The following THBS2 variants were observed in gnomAD, a reference collection of about 807,000 sequenced individuals.
THBS2 encodes the protein thrombospondin 2.
THBS2 carries 47 observed loss-of-function variants against 135.2 expected under a neutral mutation model. The observed-to-expected ratio is 0.35, with a 90% confidence interval of 0.28 to 0.44. The LOEUF is 0.44. Among genes scored for constraint, THBS2 ranks in the 20% least tolerant of loss-of-function variants. THBS2 has a pLI of 1.00. For missense variants in THBS2, 1,288 were observed against 1,603.1 expected, an observed-to-expected ratio of 0.80 and a Z score of 3.36; for synonymous variants, 639 against 633.8, an observed-to-expected ratio of 1.01 and a Z score of -0.12.
intron 2 of THBS2, among the ~76,000 whole-genome samples, chr6:169,250,031 GA>G (rs57472232): frequency 0.23 from 31,724 of 137,642 alleles, 3,560 homozygotes; most frequent in Middle Eastern, 0.3. Context: ...CTCCGTCCCA[GA>G]AAAAAAAAAA....
chr6:169,240,678 C>T (rs894777230), intron 5 of THBS2, 86 bp from the exon 6 acceptor site: 64 of 1,499,112 alleles, frequency 4.3e-5, no homozygotes, highest in Non-Finnish European at 5.5e-5. Context: ...CAAAGTTCCT[C>T]CTTCATTAAA....
At chr6:169,226,438 A>C (rs1779633408) in intron 15 of THBS2, 140 bp from the exon 16 acceptor site, 1 of 572,674 alleles carries the variant, frequency 1.7e-6, no homozygotes, top group African/African-American at 1.9e-5. Flanking sequence ...GACGCCTAAG[A>C]ATATAGTAAA....
At position 169,217,585 on chromosome 6, in the gene THBS2, A is replaced by G. The variant is rs1583400606; in HGVS notation, c.*237T>C. 6.1e-6 allele frequency: 3 copies of G among 487,904 alleles called. 1 individual carries two copies. Among genetic ancestry groups the G allele is most frequent in the South Asian group, 9.6e-5 (2 of 20,744 alleles). The allele number at this position is 487,904 out of a possible 1,614,324, so 30.2% of individuals were successfully genotyped here. A position where few individuals can be genotyped will look rare whatever the true frequency, so the allele number is the denominator to read the frequency against. ...ATTTTCACTCCACATAAAGTCTCAT[A>G]TATCACCAAACTGGTTTCCTCTAGT... On this transcript the variant is annotated 3_prime_UTR_variant, in exon 22 of 22. Transcript: ENST00000617924.
intron 15 of THBS2, 81 bp downstream of exon 15, chr6:169,228,041 A>G: frequency 6.7e-7 from 1 of 1,484,786 alleles, no homozygotes; most frequent in Non-Finnish European, 9.0e-7. Context: ...AGATGGTGCT[A>G]CTGCCCTGGG....
At chr6:169,242,949 T>TTCCCACCAC (rs1554247374) in intron 4 of THBS2, among the ~76,000 whole-genome samples, 4 of 108,154 alleles carry the variant, frequency 3.7e-5, no homozygotes, top group Admixed American at 8.9e-5. Context: ...CCTTCCCACC[T>TTCCCACCAC]TCCCACCTTC....
chr6:169,241,898 G>A lies in THBS2; in HGVS notation c.755C>T (p.Thr252Ile). 6.2e-7 allele frequency: 1 copy of A among 1,612,138 alleles called. No individual in the cohort carries two copies. Residue 252 changes from threonine to isoleucine, a missense_variant, in exon 5 of 22, where the codon ACC becomes ATC. Coordinates refer to ENST00000617924, the MANE Select transcript of THBS2 (RefSeq NM_003247.5). The surrounding 1 kb of genome is among the most constrained non-coding windows in gnomAD (Gnocchi z 5.5). ...ETLRLGPHVTTEYVGPSSERR... is the reference protein window; with the variant it reads ...ETLRLGPHVTIEYVGPSSERR... ...CTCCGAGCTGGGGCCCACGTACTCG[G>A]TGGTGACATGCGGACCCAGGCGCAG... is the stretch of plus-strand genomic sequence containing the variant.
At chr6:169,245,700 A>G (rs527519191) in intron 4 of THBS2, among the ~76,000 whole-genome samples, 5 of 151,720 alleles carry the variant, frequency 3.3e-5, no homozygotes, top group East Asian at 2.0e-4. Flanking sequence ...GCTGAGGCAG[A>G]AGAGTGGCGT....
intron 1 of THBS2, among the ~76,000 whole-genome samples, chr6:169,251,407 T>A (rs75342743): frequency 0.018 from 2,765 of 152,350 alleles, 89 homozygotes; most frequent in African/African-American, 0.063. Flanking sequence ...TGACCCTGCC[T>A]CTTTATTTTC....
Position 169,241,417 on chromosome 6 carries a change from ATG to A in THBS2, c.891+343_891+344del, listed in dbSNP as rs767694093. ...CCTCTGCAGGTGTGTGTGTGTGTGT[ATG>A]TGTGTGTATGTGTGTGTGTATGTGT... is the stretch of plus-strand genomic sequence containing the variant. On this transcript the variant is annotated intron_variant, in intron 5 of 21. Transcript: ENST00000617924. The surrounding 1 kb of genome is among the most constrained non-coding windows in gnomAD (Gnocchi z 5.5). Among the ~76,000 whole-genome samples the A allele has an allele frequency of 6.7e-6, 1 of 148,376 alleles. No individual in the cohort carries two copies. The highest frequency in any genetic ancestry group is 1.5e-5 in the Non-Finnish European group (1 of 67,012).
chr6:169,228,390 A>G, intron 14 of THBS2, 109 bp from the exon 15 acceptor site: 1 of 1,385,786 alleles, frequency 7.2e-7, no homozygotes, highest in Non-Finnish European at 9.8e-7. Context: ...CAATATAGAA[A>G]TCAAACAAAC....
chr6:169,225,320 G>A lies in THBS2; in HGVS notation c.2598C>T (p.Asp866=), dbSNP rs770837780. 1.2e-4 allele frequency: 190 copies of A among 1,575,612 alleles called. No homozygotes were observed. Among genetic ancestry groups the A allele is most frequent in the East Asian group, 1.9e-4 (8 of 42,736 alleles). Residue 866 remains aspartate, a synonymous_variant, in exon 17 of 22, where the codon GAC becomes GAT. Coordinates refer to ENST00000617924, the MANE Select transcript of THBS2 (RefSeq NM_003247.5). The stretch of plus-strand genomic sequence containing the variant: ...TGTCCTGGTTGTTCTGGTGGCCGTC[G>A]TCATCTATGTCCTCGTTGTTGTCAC... ...DQCDNNEDID[D]DGHQNNQDNC...
chr6:169,237,152 C>T lies in THBS2; in HGVS notation c.1477+18G>A, dbSNP rs200678681. The T allele has an allele frequency of 3.5e-5, 55 of 1,590,682 alleles. No homozygotes were observed. The highest frequency in any genetic ancestry group is 3.1e-4 in the East Asian group (14 of 44,602). On this transcript the variant is annotated intron_variant, in intron 9 of 21. Coordinates refer to ENST00000617924, the MANE Select transcript of THBS2 (RefSeq NM_003247.5). The stretch of plus-strand genomic sequence containing the variant: ...CTGCAAGCCCGCCCACCCAGGGCCC[C>T]GCCTTCACCGTACTTACTTGGGCAT...
chr6:169,246,589 T>C (rs549728942), intron 3 of THBS2, among the ~76,000 whole-genome samples: 1 of 152,344 alleles, frequency 6.6e-6, no homozygotes, highest in Admixed American at 6.5e-5. Flanking sequence ...GTTCTGGGCA[T>C]GTTCCCATGG....
intron 17 of THBS2, among the ~76,000 whole-genome samples, chr6:169,224,627 C>T (rs12174547): frequency 0.18 from 26,995 of 152,218 alleles, 2,761 homozygotes; most frequent in Admixed American, 0.29. Flanking sequence ...TACTCAGGGA[C>T]GCTGACTTAG....
chr6:169,245,791 CA>C (rs77953553), intron 4 of THBS2, among the ~76,000 whole-genome samples: 11,063 of 84,876 alleles, frequency 0.13, 350 homozygotes, highest in Middle Eastern at 0.2. Context: ...GACTCTGGCT[CA>C]AAAAAAAAAA....
intron 4 of THBS2, among the ~76,000 whole-genome samples, chr6:169,245,736 G>A (rs566387031): frequency 4.2e-4 from 62 of 149,104 alleles, no homozygotes; most frequent in Admixed American, 6.7e-4. Context: ...AGCTTGCAGT[G>A]AGCCCAGATC....
chr6:169,231,805 C>T (rs1269618281), intron 13 of THBS2, among the ~76,000 whole-genome samples, 175 bp downstream of exon 13: 1 of 152,214 alleles, frequency 6.6e-6, no homozygotes. Flanking sequence ...TACTAAGGAC[C>T]TCCAGAGAGG....
chr6:169,237,012 G>A (rs566998748), intron 9 of THBS2, among the ~76,000 whole-genome samples, 158 bp downstream of exon 9: 4 of 152,232 alleles, frequency 2.6e-5, no homozygotes, highest in Admixed American at 1.3e-4. Context: ...GTTCATTACC[G>A]AGCCAGGCCC....
At chr6:169,247,751 T>C (rs575677360) in intron 3 of THBS2, among the ~76,000 whole-genome samples, 1 of 152,022 alleles carries the variant, frequency 6.6e-6, no homozygotes, top group South Asian at 2.1e-4. Flanking sequence ...TGTGTTCACA[T>C]GTATGTGTGT....
Sources: gnomAD v4.1 joint callset for allele counts (sites outside exome capture counted in the v4.1 genomes callset) on GRCh38, gnomAD v4.1.1 for gene constraint, Gnocchi (gnomAD v3.1) non-coding constraint, MANE v1.5 for transcripts, NCBI Gene and HGNC (gene_info 2026-07-23, HGNC 2026-07-21) for gene names.